The following PRKAR1B variants were observed in gnomAD, a reference collection of about 807,000 sequenced individuals.
PRKAR1B encodes the protein cAMP-dependent protein kinase type I-beta regulatory subunit.
A neutral mutation model predicts 46.5 loss-of-function variants in PRKAR1B; 22 were observed. The observed-to-expected ratio is 0.47, with a 90% CI of 0.34 to 0.68. The LOEUF is 0.68. Among genes scored for constraint, PRKAR1B ranks in the 30% least tolerant of loss-of-function variants. The pLI, the probability that PRKAR1B is intolerant of heterozygous loss-of-function variation, is 0.01. For missense variants in PRKAR1B, 445 were observed against 535.6 expected (o/e 0.83, Z 1.67); for synonymous variants, 259 against 217.7 (o/e 1.19, Z -1.67).
At chr7:580,929 C>T (rs1780145093) in intron 8 of PRKAR1B, among the ~76,000 whole-genome samples, 1 of 152,108 alleles carries the variant, frequency 6.6e-6, no homozygotes, top group South Asian at 2.1e-4. Context: ...CCACGAACCC[C>T]AGGGCCGGGC....
intron 7 of PRKAR1B, among the ~76,000 whole-genome samples, chr7:588,514 CGAT>C (rs1780736030): frequency 2.2e-5 from 2 of 92,982 alleles, no homozygotes; most frequent in African/African-American, 4.3e-5. Context: ...GTGGTGATCA[CGAT>C]GATGGTGGTG....
intron 4 of PRKAR1B, among the ~76,000 whole-genome samples, chr7:642,257 G>A (rs1784427702): frequency 6.6e-6 from 1 of 152,192 alleles, no homozygotes; most frequent in Non-Finnish European, 1.5e-5. Context: ...GGGGGTGGAA[G>A]TGAGGATTAA....
intron 2 of PRKAR1B, among the ~76,000 whole-genome samples, chr7:686,739 T>G (rs1043865251): frequency 2.0e-5 from 3 of 151,908 alleles, no homozygotes; most frequent in Non-Finnish European, 4.4e-5. Flanking sequence ...AGAGAAGAAT[T>G]AATTACAAGG....
rs781636247 is a variant in PRKAR1B at position 571,821 on chromosome 7, G to A, written c.891+7435C>T. On this transcript the variant is annotated intron_variant, in intron 9 of 10. Coordinates refer to ENST00000537384, the MANE Select transcript of PRKAR1B (RefSeq NM_001164760.2). ...CCCCACCCAGCCCCGGCCGAATGCC[G>A]CTCCACTTTCCCGTCCGCGGTGAGG... Among the ~76,000 whole-genome samples, 4 of 152,306 alleles carry A rather than the reference G, an allele frequency of 2.6e-5. No individual in the cohort carries two copies. In the East Asian group the frequency reaches 7.7e-4, roughly 29 times the overall value.
intron 2 of PRKAR1B, among the ~76,000 whole-genome samples, chr7:682,111 C>T (rs1398367068): frequency 6.6e-6 from 1 of 152,038 alleles, no homozygotes; most frequent in Non-Finnish European, 1.5e-5. Context: ...ATCAGCAGGG[C>T]CAGGCAGCCT....
intron 4 of PRKAR1B, among the ~76,000 whole-genome samples, chr7:647,642 T>TA (rs1272594679): frequency 6.6e-6 from 1 of 151,424 alleles, no homozygotes; most frequent in African/African-American, 2.4e-5. Flanking sequence ...CCGTCTCTAC[T>TA]AAAAATACAA....
At chr7:617,989 G>C (rs1782925340) in intron 4 of PRKAR1B, among the ~76,000 whole-genome samples, 1 of 152,156 alleles carries the variant, frequency 6.6e-6, no homozygotes, top group Non-Finnish European at 1.5e-5. Context: ...CTCCAGGGAA[G>C]CAGAGGCCCC....
intron 2 of PRKAR1B, among the ~76,000 whole-genome samples, chr7:690,761 C>T (rs767389734): frequency 2.0e-4 from 31 of 152,286 alleles, no homozygotes; most frequent in Middle Eastern, 3.4e-3. Flanking sequence ...GCTTCTCAGA[C>T]GCTCAGAGGC....
In PRKAR1B at chr7:550,561, C is replaced by T. The variant is rs374626599; in HGVS notation, c.1015G>A (p.Val339Ile). The T allele has an allele frequency of 4.4e-5, 70 of 1,599,762 alleles. No individual in the cohort carries two copies. The highest frequency in any genetic ancestry group is 5.2e-5 in the Non-Finnish European group (61 of 1,174,540). The change falls in exon 11 of 11, where the codon GTC becomes ATC. Residue 339 changes from valine to isoleucine, a missense_variant. Transcript: ENST00000537384. ...CACTTGAGGGGCCCCCGGGCCACGA[C>T]AGTGGCCGCCCGGGGCCGGTTCAGC... is the stretch of plus-strand genomic sequence containing the variant. ...LLLNRPRAAT[V>I]VARGPLKCVK...
At chr7:704,769 G>A (rs1373576781) in intron 2 of PRKAR1B, among the ~76,000 whole-genome samples, 9 of 151,878 alleles carry the variant, frequency 5.9e-5, no homozygotes, top group Non-Finnish European at 8.8e-5. Context: ...ACTCTGTCTC[G>A]GAGTAAATAA....
rs924652144 is a variant in PRKAR1B, at chr7:714,122, G to A, written c.-22-2595C>T. The stretch of plus-strand genomic sequence containing the variant: ...CTCCAATTACTCCTGCTCCTCCAGG[G>A]TAGACTGGTGAGGACAGCAAAAAAG... On this transcript the variant is annotated intron_variant, in intron 1 of 10. Coordinates refer to ENST00000537384, the MANE Select transcript of PRKAR1B (RefSeq NM_001164760.2). This position sits in a 1 kb window ranked among gnomAD's most constrained non-coding sequence, Gnocchi z 4.3. Among the ~76,000 whole-genome samples the A allele has an allele frequency of 6.6e-6, 1 of 151,980 alleles. No homozygotes were observed. Among genetic ancestry groups the A allele is most frequent in the African/African-American group, 2.4e-5 (1 of 41,296 alleles).
intron 9 of PRKAR1B, among the ~76,000 whole-genome samples, chr7:572,262 T>C (rs1007889455): frequency 8.6e-5 from 13 of 152,020 alleles, no homozygotes; most frequent in African/African-American, 3.1e-4. Flanking sequence ...TGCGGAGGAG[T>C]GACCGCTCCA....
chr7:561,456 C>G (rs1012704534), intron 9 of PRKAR1B, among the ~76,000 whole-genome samples: 1 of 152,232 alleles, frequency 6.6e-6, no homozygotes, highest in Non-Finnish European at 1.5e-5. Context: ...AAGCTCCCTT[C>G]CACCCAAATC....
chr7:661,771 T>C (rs1291420199), intron 4 of PRKAR1B, among the ~76,000 whole-genome samples: 15 of 10,040 alleles, frequency 1.5e-3, no homozygotes, highest in Admixed American at 2.5e-3. Context: ...AGGTCCCTAC[T>C]CCAACAGGTC....
At chr7:615,430 GATAA>G (rs1012673554) in intron 4 of PRKAR1B, among the ~76,000 whole-genome samples, 1 of 110,388 alleles carries the variant, frequency 9.1e-6, no homozygotes, top group African/African-American at 3.4e-5. Context: ...GTCTCAAAAA[GATAA>G]ATAAATAAAA....
At chr7:709,832 A>G (rs1780528057) in intron 2 of PRKAR1B, among the ~76,000 whole-genome samples, 1 of 152,036 alleles carries the variant, frequency 6.6e-6, no homozygotes, top group African/African-American at 2.4e-5. Flanking sequence ...ACACCCAGCA[A>G]ACTTTTTAAA....
intron 4 of PRKAR1B, among the ~76,000 whole-genome samples, chr7:634,168 G>A (rs1346101185): frequency 3.3e-5 from 5 of 151,826 alleles, no homozygotes; most frequent in African/African-American, 1.2e-4. Flanking sequence ...GATTACAGGC[G>A]CCTGCCACCA....
chr7:551,901 C>CT (rs1162474062), intron 9 of PRKAR1B, among the ~76,000 whole-genome samples: 2 of 128,788 alleles, frequency 1.6e-5, no homozygotes, highest in African/African-American at 3.2e-5. Context: ...GGTCCTTCTC[C>CT]AGAGCCACTG....
chr7:595,598 T>C (rs1781228722), intron 7 of PRKAR1B, among the ~76,000 whole-genome samples: 1 of 152,138 alleles, frequency 6.6e-6, no homozygotes, highest in Admixed American at 6.5e-5. Context: ...ACACCAGCCG[T>C]GGCAGCTGAA....
Sources: allele counts gnomAD v4.1 joint callset (sites outside exome capture counted in the v4.1 genomes callset), GRCh38; gene constraint gnomAD v4.1.1; non-coding constraint Gnocchi (gnomAD v3.1); transcripts MANE v1.5; gene names NCBI Gene and HGNC (gene_info 2026-07-23, HGNC 2026-07-21).